The following SLC14A2 variants were observed in gnomAD, a reference collection of about 807,000 sequenced individuals.
The protein encoded by SLC14A2 is solute carrier family 14 member 2.
Under a neutral mutation model 104.6 loss-of-function variants are expected in SLC14A2, and 91 were observed. The observed-to-expected ratio is 0.87, with a 90% CI of 0.73 to 1.04. The LOEUF (loss-of-function observed/expected upper bound fraction) is 1.04, where lower values mean the gene tolerates loss of function less well. Ranked by LOEUF, SLC14A2 falls within the 50% of genes least tolerant of loss-of-function variation. The probability of loss-of-function intolerance (pLI) is 0.00; values close to 1 mark genes in which losing one functional copy is unlikely to be tolerated. For missense variants in SLC14A2, 1,189 were observed against 1,156.0 expected, an observed-to-expected ratio of 1.03 and a Z score of -0.41; for synonymous variants, 476 against 466.4, an observed-to-expected ratio of 1.02 and a Z score of -0.27.
chr18:45,290,777 TTTAG>T (rs375889673), intron 1 of SLC14A2, among the ~76,000 whole-genome samples: 171 of 139,968 alleles, frequency 1.2e-3, no homozygotes, highest in African/African-American at 4.3e-3. Context: ...TCTGTTTATT[TTTAG>T]TTATTTAATG....
At chr18:45,181,879 G>A in the SLC14A2 span, among the ~76,000 whole-genome samples, 1 of 152,078 alleles carries the variant, frequency 6.6e-6, no homozygotes. Context: ...CCATTAATAT[G>A]TATTAAACAA....
chr18:45,524,718 G>A (rs917477310), intron 2 of SLC14A2, among the ~76,000 whole-genome samples: 2 of 152,122 alleles, frequency 1.3e-5, no homozygotes, highest in Non-Finnish European at 2.9e-5. Flanking sequence ...GACCGTATAC[G>A]AAAACACACA....
intron 1 of SLC14A2, among the ~76,000 whole-genome samples, chr18:45,335,406 T>C (rs997151569): frequency 7.9e-5 from 12 of 152,220 alleles, no homozygotes; most frequent in African/African-American, 2.9e-4. Context: ...AGGACATCTA[T>C]TGAAGGTAGA....
intron 12 of SLC14A2, 130 bp from the exon 13 acceptor site, chr18:45,666,805 G>C: frequency 1.4e-6 from 1 of 714,804 alleles, no homozygotes; most frequent in Non-Finnish European, 2.3e-6. Flanking sequence ...CAGAAACAGG[G>C]AGGTTAAACA....
intron 2 of SLC14A2, among the ~76,000 whole-genome samples, chr18:45,539,953 T>A (rs2043860186): frequency 6.6e-6 from 1 of 151,938 alleles, no homozygotes; most frequent in African/African-American, 2.4e-5. Flanking sequence ...TTTAAAATAC[T>A]GTATGTGAAA....
chr18:45,475,005 G>A (rs1235406774), intron 1 of SLC14A2, among the ~76,000 whole-genome samples: 1 of 152,128 alleles, frequency 6.6e-6, no homozygotes, highest in Non-Finnish European at 1.5e-5. Flanking sequence ...ACTTTCTCCT[G>A]TGGGCATTTA....
intron 4 of SLC14A2, among the ~76,000 whole-genome samples, chr18:45,627,610 G>A (rs1010127589): frequency 3.3e-5 from 5 of 152,216 alleles, no homozygotes; most frequent in African/African-American, 1.2e-4. Flanking sequence ...GGAGGACAGT[G>A]TGGGAAGGGG....
intron 1 of SLC14A2, among the ~76,000 whole-genome samples, chr18:45,407,423 ATCT>A (rs2086167276): frequency 6.6e-6 from 1 of 152,142 alleles, no homozygotes; most frequent in South Asian, 2.1e-4. Context: ...GGCTGGGTTG[ATCT>A]TCTATCTAGA....
In SLC14A2 at chr18:45,460,417, G is replaced by T. The variant is rs561955541; in HGVS notation, c.-124-22816G>T. The stretch of plus-strand genomic sequence containing the variant: ...GGCTGCCCAGTCCACCTTGCAGAAG[G>T]GTTAGCCCAGAATTTGAGATTCAAG... On this transcript the variant is annotated intron_variant, in intron 1 of 20. Transcript: ENST00000586448. Among the ~76,000 whole-genome samples, 587 of 152,276 alleles carry T rather than the reference G, an allele frequency of 3.9e-3. 10 individuals carry two copies. The highest frequency in any genetic ancestry group is 1.0e-3 in the Non-Finnish European group (71 of 68,016).
intron 6 of SLC14A2, among the ~76,000 whole-genome samples, chr18:45,639,055 T>C (rs914672993): frequency 6.6e-6 from 1 of 152,242 alleles, no homozygotes; most frequent in African/African-American, 2.4e-5. Context: ...CTCAGGGATG[T>C]CTGGGCTTCA....
intron 2 of SLC14A2, among the ~76,000 whole-genome samples, chr18:45,521,041 A>G (rs889565091): frequency 6.6e-6 from 1 of 152,162 alleles, no homozygotes; most frequent in Admixed American, 6.5e-5. Context: ...AGTAGTGTCT[A>G]TGACCATCCA....
chr18:45,273,821 T>A (rs557908226), intron 1 of SLC14A2, among the ~76,000 whole-genome samples: 6 of 152,166 alleles, frequency 3.9e-5, no homozygotes, highest in Admixed American at 3.9e-4. Context: ...AACTGTGACA[T>A]CTGCAAGGCA....
intron 1 of SLC14A2, among the ~76,000 whole-genome samples, chr18:45,322,667 T>C (rs2085196830): frequency 6.6e-6 from 1 of 152,256 alleles, no homozygotes; most frequent in African/African-American, 2.4e-5. Flanking sequence ...AGGAATGTTG[T>C]GTTGAACTCT....
At chr18:45,486,362 CT>C (rs111685052) in intron 2 of SLC14A2, among the ~76,000 whole-genome samples, 11,652 of 144,632 alleles carry the variant, frequency 0.081, 554 homozygotes, top group East Asian at 0.21. Flanking sequence ...AGGCTAGGGA[CT>C]TTTTTTTTTT....
chr18:45,542,992 A>G (rs1163510133), intron 2 of SLC14A2, among the ~76,000 whole-genome samples: 1 of 152,088 alleles, frequency 6.6e-6, no homozygotes, highest in African/African-American at 2.4e-5. Context: ...CTCGTTGCCC[A>G]GGCTGGAGTG....
intron 2 of SLC14A2, among the ~76,000 whole-genome samples, chr18:45,526,524 A>C (rs191204918): frequency 5.3e-5 from 8 of 152,326 alleles, no homozygotes; most frequent in Admixed American, 1.3e-4. Context: ...TTTACTTGGA[A>C]AGATAAAGAA....
intron 1 of SLC14A2, among the ~76,000 whole-genome samples, chr18:45,433,131 G>A (rs2086543073): frequency 6.6e-6 from 1 of 152,008 alleles, no homozygotes; most frequent in Non-Finnish European, 1.5e-5. Context: ...GGATTAGATA[G>A]ACATAGGTTT....
In SLC14A2 at chr18:45,387,547, A is replaced by C. The variant is rs376243154; in HGVS notation, c.-124-95686A>C. ...CTTTGGTGAATAACTGATAGGATATATTAGTTCACAATTATGTTATCTCTC... is the reference window on the plus strand; with the variant it reads ...CTTTGGTGAATAACTGATAGGATATCTTAGTTCACAATTATGTTATCTCTC... On this transcript the variant is annotated intron_variant, in intron 1 of 20. Transcript: ENST00000586448. 7.5e-4 allele frequency among the ~76,000 whole-genome samples: 115 copies of C among 152,338 alleles called. 4 individuals carry two copies. The South Asian group carries it at 0.023, about 31-fold the overall frequency.
At chr18:45,609,875 G>A (rs1260968212) in intron 2 of SLC14A2, among the ~76,000 whole-genome samples, 1 of 152,192 alleles carries the variant, frequency 6.6e-6, no homozygotes, top group East Asian at 1.9e-4. Flanking sequence ...CACTGGCCAA[G>A]ACACAAGCTG....
Sources: gnomAD v4.1 joint callset for allele counts (sites outside exome capture counted in the v4.1 genomes callset) on GRCh38, gnomAD v4.1.1 for gene constraint, MANE v1.5 for transcripts, NCBI Gene and HGNC (gene_info 2026-07-23, HGNC 2026-07-21) for gene names.